The following ANKRD31 variants were observed in gnomAD, a reference collection of about 807,000 sequenced individuals.
The protein encoded by ANKRD31 is ankyrin repeat domain-containing protein 31.
In ANKRD31, 147 loss-of-function variants were observed where a neutral mutation model predicts 186.0. That is an observed-to-expected ratio of 0.79 (90% CI 0.69 to 0.91). The LOEUF (loss-of-function observed/expected upper bound fraction) is 0.91, where lower values mean the gene tolerates loss of function less well. ANKRD31 is among the 40% of genes least tolerant of loss of function. The pLI is 0.00. For synonymous variants in ANKRD31, 673 were observed against 736.4 expected (o/e 0.91, Z 1.39); for missense variants, 1,986 against 2,148.8 (o/e 0.92, Z 1.50).
chr5:75,156,279 T>A (rs1427652660), intron 11 of ANKRD31, among the ~76,000 whole-genome samples: 1 of 152,162 alleles, frequency 6.6e-6, no homozygotes, highest in Non-Finnish European at 1.5e-5. Context: ...GTATACCACA[T>A]CTCTTTTGAA....
chr5:75,112,465 A>G (rs1472227701), intron 20 of ANKRD31, 48 bp downstream of exon 20: 2 of 1,253,920 alleles, frequency 1.6e-6, no homozygotes, highest in Non-Finnish European at 2.2e-6. Flanking sequence ...TAAGAAGATG[A>G]CCTTGGGTAT....
At chr5:75,227,471 T>G (rs1390761929) in intron 2 of ANKRD31, among the ~76,000 whole-genome samples, 2 of 152,124 alleles carry the variant, frequency 1.3e-5, no homozygotes, top group East Asian at 3.8e-4. Context: ...GTGATGGATA[T>G]CCCATTTACC....
chr5:75,229,864 CAAAAAAAAAAAAAA>C (rs1210080751), intron 2 of ANKRD31, among the ~76,000 whole-genome samples: 2 of 37,858 alleles, frequency 5.3e-5, no homozygotes, highest in South Asian at 2.5e-3. Context: ...GACTCTGTCT[CAAAAAAAAAAAAAA>C]AAAAAAAAAC....
At chr5:75,151,917 C>T in intron 12 of ANKRD31, among the ~76,000 whole-genome samples, 1 of 152,000 alleles carries the variant, frequency 6.6e-6, no homozygotes, top group East Asian at 1.9e-4. Context: ...GTTTCTTATT[C>T]ATCTTGTATT....
chr5:75,181,931 CAAAAAAAATAAAAAAT>C (rs1460041728), intron 10 of ANKRD31, among the ~76,000 whole-genome samples: 2 of 149,622 alleles, frequency 1.3e-5, no homozygotes, highest in Non-Finnish European at 3.0e-5. Flanking sequence ...ATGGTAGACT[CAAAAAAAATAAAAAAT>C]AAAAAAAATA....
chr5:75,129,674 A>T (rs1345364417), intron 17 of ANKRD31, among the ~76,000 whole-genome samples: 1 of 152,190 alleles, frequency 6.6e-6, no homozygotes, highest in African/African-American at 2.4e-5. Context: ...AGGTCCCAAG[A>T]TGGCTGAATA....
At chr5:75,157,907 C>T (rs941333123) in intron 11 of ANKRD31, among the ~76,000 whole-genome samples, 1 of 152,128 alleles carries the variant, frequency 6.6e-6, no homozygotes, top group Non-Finnish European at 1.5e-5. Flanking sequence ...GTATGCTACC[C>T]TTCAAAAGAA....
chr5:75,189,386 T>C (rs1007368034), intron 9 of ANKRD31, among the ~76,000 whole-genome samples: 3 of 152,220 alleles, frequency 2.0e-5, no homozygotes, highest in Non-Finnish European at 4.4e-5. Context: ...AGCTTGATGA[T>C]AGCTTTTCCA....
intron 17 of ANKRD31, among the ~76,000 whole-genome samples, chr5:75,121,318 A>G (rs987672927): frequency 6.6e-6 from 1 of 152,228 alleles, no homozygotes; most frequent in Non-Finnish European, 1.5e-5. Flanking sequence ...AACAAATGTT[A>G]CTAAACCTAA....
intron 17 of ANKRD31, among the ~76,000 whole-genome samples, chr5:75,125,334 A>G (rs904068439): frequency 6.6e-6 from 1 of 152,176 alleles, no homozygotes; most frequent in Non-Finnish European, 1.5e-5. Flanking sequence ...TGAAGATTTT[A>G]TTTATCTGTT....
rs1321139759 is a variant in ANKRD31, at chr5:75,107,520, C to T, written c.4340+1G>A. On this transcript the variant is annotated splice_donor_variant, in intron 21 of 25. Transcript: ENST00000506364. LOFTEE classifies it high-confidence loss of function. ...CTCTTTTTTTTTCTTTTTCTACTCA[C>T]CTGTATTTTTTAGCCAGATCATCCC... 1.3e-6 allele frequency: 2 copies of T among 1,510,240 alleles called. No homozygotes were observed. Among genetic ancestry groups the T allele is most frequent in the South Asian group, 1.2e-5 (1 of 80,760 alleles). 93.6% of individuals were successfully genotyped at this position (1,510,240 alleles called of 1,614,324 possible). A position where few individuals can be genotyped will look rare whatever the true frequency, so the allele number is the denominator to read the frequency against.
At chr5:75,199,803 T>C (rs571008382) in intron 5 of ANKRD31, 129 bp from the exon 6 acceptor site, 5 of 352,272 alleles carry the variant, frequency 1.4e-5, no homozygotes, top group African/African-American at 2.2e-5. Flanking sequence ...ATTTTATTAA[T>C]ATTACATAAA....
chr5:75,185,527 T>C (rs367681264), intron 10 of ANKRD31, among the ~76,000 whole-genome samples: 1 of 152,076 alleles, frequency 6.6e-6, no homozygotes, highest in East Asian at 1.9e-4. Context: ...CACTGCACTC[T>C]AGCCTGGCAA....
At chr5:75,114,878 G>GA (rs1157511169) in intron 19 of ANKRD31, among the ~76,000 whole-genome samples, 1 of 152,030 alleles carries the variant, frequency 6.6e-6, no homozygotes, top group Admixed American at 6.6e-5. Context: ...AGCTACCAAT[G>GA]ACTTTCTTCA....
At chr5:75,184,013 C>T (rs565993777) in intron 10 of ANKRD31, among the ~76,000 whole-genome samples, 1 of 152,024 alleles carries the variant, frequency 6.6e-6, no homozygotes, top group East Asian at 1.9e-4. Flanking sequence ...TTACTTAGCT[C>T]TATTAATGAG....
intron 11 of ANKRD31, among the ~76,000 whole-genome samples, chr5:75,159,796 T>C (rs911274245): frequency 1.3e-5 from 2 of 152,098 alleles, no homozygotes; most frequent in African/African-American, 4.8e-5. Flanking sequence ...ATAATGGTAA[T>C]TATACAGATA....
intron 17 of ANKRD31, among the ~76,000 whole-genome samples, chr5:75,121,604 A>G (rs1263522950): frequency 6.6e-6 from 1 of 152,184 alleles, no homozygotes; most frequent in Non-Finnish European, 1.5e-5. Context: ...AAATCATATC[A>G]AGTATTTTCT....
intron 11 of ANKRD31, 149 bp downstream of exon 11, chr5:75,168,830 A>T (rs1256618972): frequency 1.3e-6 from 1 of 780,402 alleles, no homozygotes; most frequent in East Asian, 2.8e-5. Flanking sequence ...AACCCATCAC[A>T]CAGTAAAATT....
chr5:75,125,916 G>T (rs1346424344), intron 17 of ANKRD31, among the ~76,000 whole-genome samples: 1 of 152,098 alleles, frequency 6.6e-6, no homozygotes, highest in Non-Finnish European at 1.5e-5. Flanking sequence ...AAAAAATCAG[G>T]CTTACTGAAG....
Sources: gnomAD v4.1 joint callset for allele counts (sites outside exome capture counted in the v4.1 genomes callset) on GRCh38, gnomAD v4.1.1 for gene constraint, MANE v1.5 for transcripts, NCBI Gene and HGNC (gene_info 2026-07-23, HGNC 2026-07-21) for gene names.